Variants in SP4 observed in about 807,000 individuals in gnomAD.
The protein encoded by SP4 is Sp4 transcription factor, also known as transcription factor Sp4.
Under a neutral mutation model 72.8 loss-of-function variants are expected in SP4, and 19 were observed. The ratio of observed to expected loss-of-function variants is 0.26; its 90% CI spans 0.18 to 0.38. The LOEUF is 0.38. Ranked by LOEUF, SP4 falls within the 10% of genes least tolerant of loss-of-function variation. The pLI, the probability that SP4 is intolerant of heterozygous loss-of-function variation, is 1.00. For synonymous variants in SP4, 395 were observed against 333.1 expected (o/e 1.19, Z -2.02); for missense variants, 1,008 against 926.3 (o/e 1.09, Z -1.14).
chr7:21,472,241 G>T (rs1346561563), intron 3 of SP4, among the ~76,000 whole-genome samples: 1 of 151,932 alleles, frequency 6.6e-6, no homozygotes, highest in African/African-American at 2.4e-5. Context: ...CCTGGAGAGT[G>T]GCCTAGGAAG....
chr7:21,476,930 A>T (rs17144489), intron 3 of SP4, 149 bp from the exon 4 acceptor site: 14,684 of 617,452 alleles, frequency 0.024, 241 homozygotes, highest in African/African-American at 0.051. Flanking sequence ...TTTTAGAAGG[A>T]TTGACATAGT....
At chr7:21,473,884 A>T (rs2128408167) in intron 3 of SP4, among the ~76,000 whole-genome samples, 1 of 152,302 alleles carries the variant, frequency 6.6e-6, no homozygotes, top group East Asian at 1.9e-4. Flanking sequence ...AATTAAACTT[A>T]AGTGGGGCCT....
chr7:21,453,970 T>C (rs1783677072), intron 3 of SP4, among the ~76,000 whole-genome samples: 1 of 152,124 alleles, frequency 6.6e-6, no homozygotes, highest in Non-Finnish European at 1.5e-5. Context: ...TATATTCCCA[T>C]GCCTTCTTAT....
intron 5 of SP4, among the ~76,000 whole-genome samples, chr7:21,506,186 C>T (rs903606903): frequency 6.6e-6 from 1 of 152,166 alleles, no homozygotes; most frequent in Non-Finnish European, 1.5e-5. Context: ...CCTTTTACCC[C>T]TGATACTTTC....
intron 5 of SP4, among the ~76,000 whole-genome samples, chr7:21,507,873 T>C (rs1782041737): frequency 6.6e-6 from 1 of 152,106 alleles, no homozygotes; most frequent in Non-Finnish European, 1.5e-5. Flanking sequence ...CCATTCTTTG[T>C]CCATTCTCCT....
rs1782127909 is a variant in SP4 at position 21,511,014 on chromosome 7, C to T, written c.2108-8C>T. 3 of 1,589,388 alleles carry T rather than the reference C, an allele frequency of 1.9e-6. No homozygotes were observed. The highest frequency in any genetic ancestry group is 2.6e-6 in the Non-Finnish European group (3 of 1,166,460). ...GTGTATAACGCCATTTACTGTTTTT[C>T]TATGTAGGTGAAAAGAGATTTGAAT... On this transcript the variant is annotated splice_polypyrimidine_tract_variant and splice_region_variant and intron_variant, in intron 5 of 5. Transcript: ENST00000222584.
intron 5 of SP4, among the ~76,000 whole-genome samples, chr7:21,498,107 A>G (rs1331521282): frequency 1.3e-5 from 2 of 152,162 alleles, no homozygotes; most frequent in Admixed American, 1.3e-4. Context: ...TTCCCCCCTT[A>G]TTACAACCAG....
At chr7:21,510,969 T>C (rs886799668) in intron 5 of SP4, 53 bp from the exon 6 acceptor site, 1 of 1,515,706 alleles carries the variant, frequency 6.6e-7, no homozygotes, top group Admixed American at 2.1e-5. Context: ...TTAAAAATTA[T>C]AATTTCACTT....
chr7:21,484,263 C>T (rs991333617), intron 5 of SP4, among the ~76,000 whole-genome samples: 31 of 151,864 alleles, frequency 2.0e-4, no homozygotes, highest in African/African-American at 6.5e-4. Context: ...TGCAATACTT[C>T]GGGGATTCAT....
chr7:21,434,323 A>G (rs1012547709), intron 3 of SP4, among the ~76,000 whole-genome samples: 1 of 152,214 alleles, frequency 6.6e-6, no homozygotes, highest in Non-Finnish European at 1.5e-5. Context: ...TGAACAGAAA[A>G]AAGTAAAATC....
Position 21,511,089 on chromosome 7 carries a change from T to C in SP4, c.2175T>C (p.His725=). 1.2e-6 allele frequency: 2 copies of C among 1,614,124 alleles called. No individual in the cohort carries two copies. The highest frequency in any genetic ancestry group is 1.7e-6 in the Non-Finnish European group (2 of 1,179,984). ...TGCGGAGTGATCATCTCTCCAAACA[T>C]GTCAAAACGCACCAGAATAAAAAAG... is the stretch of plus-strand genomic sequence containing the variant. ...RFMRSDHLSK[H]VKTHQNKKGG... The change falls in exon 6 of 6, where the codon CAT becomes CAC. Residue 725 remains histidine (H), a synonymous_variant. Coordinates refer to ENST00000222584, the MANE Select transcript of SP4 (RefSeq NM_003112.5).
chr7:21,497,665 T>C (rs1481487674), intron 5 of SP4, among the ~76,000 whole-genome samples: 1 of 152,198 alleles, frequency 6.6e-6, no homozygotes, highest in African/African-American at 2.4e-5. Context: ...TGTGACATGT[T>C]GAATGATGCT....
intron 3 of SP4, among the ~76,000 whole-genome samples, chr7:21,455,940 A>C (rs1473721141): frequency 1.3e-5 from 2 of 152,158 alleles, no homozygotes; most frequent in Non-Finnish European, 2.9e-5. Flanking sequence ...AAGGGGCTGG[A>C]CTTCCCTCCC....
intron 4 of SP4, among the ~76,000 whole-genome samples, chr7:21,479,235 C>G (rs1464853681): frequency 6.7e-6 from 1 of 150,348 alleles, no homozygotes; most frequent in African/African-American, 2.4e-5. Context: ...AATTCATTGC[C>G]AAATCCGAAG....
At position 21,433,226 on chromosome 7, in the gene SP4, A is replaced by G. The variant is rs1262359121; in HGVS notation, c.1678+2383A>G. On this transcript the variant is annotated intron_variant, in intron 3 of 5. Transcript: ENST00000222584. ...TGGTTATTCCTTCATTTTCAGGGAT[A>G]ATTTTTTCACTTAAAGGATTTACAT... Among the ~76,000 whole-genome samples the G allele has an allele frequency of 5.3e-5, 8 of 152,156 alleles. No homozygotes were observed. In the East Asian group the frequency reaches 1.3e-3, roughly 26 times the overall value.
chr7:21,429,553 A>G lies in SP4; in HGVS notation c.388A>G (p.Ser130Gly). ...CTCTAGTTCGTCTAGTTCTTCCAGC[A>G]GTAATAACGGGAGTGCATCTCCTAC... ...PASSSSSSSS[S>G]NNGSASPTKT... Residue 130 changes from serine to glycine, a missense_variant, in exon 3 of 6, where the codon AGT becomes GGT. Coordinates refer to ENST00000222584, the MANE Select transcript of SP4 (RefSeq NM_003112.5). The G allele has an allele frequency of 1.2e-6, 2 of 1,614,166 alleles. No individual in the cohort carries two copies. Among genetic ancestry groups the G allele is most frequent in the South Asian group, 1.1e-5 (1 of 91,092 alleles).
intron 5 of SP4, among the ~76,000 whole-genome samples, chr7:21,499,955 T>C (rs1781822635): frequency 6.6e-6 from 1 of 152,206 alleles, no homozygotes; most frequent in South Asian, 2.1e-4. Context: ...CACTCATCCA[T>C]TCCAATCTAT....
intron 3 of SP4, among the ~76,000 whole-genome samples, chr7:21,443,757 A>G (rs1198227309): frequency 6.6e-6 from 1 of 152,184 alleles, no homozygotes; most frequent in African/African-American, 2.4e-5. Context: ...GAGAAGAGGA[A>G]GAGACTAGGT....
chr7:21,496,191 CTG>C (rs940422876), intron 5 of SP4, among the ~76,000 whole-genome samples: 1 of 152,046 alleles, frequency 6.6e-6, no homozygotes, highest in African/African-American at 2.4e-5. Context: ...GATTATGTGA[CTG>C]AATGCATTTG....
Sources: allele counts gnomAD v4.1 joint callset (sites outside exome capture counted in the v4.1 genomes callset), GRCh38; gene constraint gnomAD v4.1.1; transcripts MANE v1.5; gene names NCBI Gene and HGNC (gene_info 2026-07-23, HGNC 2026-07-21).